VPS8: variants seen among roughly 807,000 people sequenced by gnomAD.
VPS8 encodes vacuolar protein sorting-associated protein 8 homolog.
Under a neutral mutation model 216.4 loss-of-function variants are expected in VPS8, and 129 were observed. The ratio of observed to expected loss-of-function variants is 0.60; its 90% CI spans 0.52 to 0.69. The LOEUF (loss-of-function observed/expected upper bound fraction) is 0.69, where lower values mean the gene tolerates loss of function less well. Among genes scored for constraint, VPS8 ranks in the 30% least tolerant of loss-of-function variants. The pLI, the probability that VPS8 is intolerant of heterozygous loss-of-function variation, is 0.00. For synonymous variants in VPS8, 571 were observed against 565.4 expected, an observed-to-expected ratio of 1.01 and a Z score of -0.14; for missense variants, 1,531 against 1,683.5, an observed-to-expected ratio of 0.91 and a Z score of 1.59.
chr3:185,006,826 T>G (rs1440613464), intron 45 of VPS8, among the ~76,000 whole-genome samples: 1 of 102,870 alleles, frequency 9.7e-6, no homozygotes, highest in Admixed American at 1.2e-4. Flanking sequence ...GCCTTTGTAA[T>G]GCAGTCCTTC....
chr3:184,833,679 C>T (rs2108554654), intron 4 of VPS8, among the ~76,000 whole-genome samples: 1 of 152,282 alleles, frequency 6.6e-6, no homozygotes, highest in East Asian at 1.9e-4. Context: ...TTCAGCCCTC[C>T]TAGTCTGTAC....
chr3:184,822,667 T>C (rs1214711773), intron 1 of VPS8, among the ~76,000 whole-genome samples: 3 of 152,234 alleles, frequency 2.0e-5, no homozygotes, highest in Non-Finnish European at 4.4e-5. Context: ...AGTTGTTAAA[T>C]AATTGCAACC....
intron 42 of VPS8, 59 bp from the exon 43 acceptor site, chr3:184,993,924 C>A (rs1752258069): frequency 1.2e-5 from 16 of 1,322,496 alleles, no homozygotes; most frequent in Admixed American, 2.8e-5. Flanking sequence ...AGATAACTTA[C>A]ATTTTAAAGT....
At chr3:185,044,823 A>G (rs1006425209) in intron 46 of VPS8, among the ~76,000 whole-genome samples, 28 of 152,198 alleles carry the variant, frequency 1.8e-4, no homozygotes, top group African/African-American at 6.0e-4. Context: ...GCTGGGACCT[A>G]CTGAGAGTTT....
intron 45 of VPS8, among the ~76,000 whole-genome samples, chr3:185,003,802 C>G (rs946633746): frequency 1.8e-4 from 27 of 151,116 alleles, no homozygotes; most frequent in Admixed American, 3.3e-4. Context: ...ACTTCTCAGA[C>G]GGGGCGGCTG....
intron 36 of VPS8, among the ~76,000 whole-genome samples, chr3:184,956,176 A>G (rs1462654905): frequency 6.6e-6 from 1 of 152,210 alleles, no homozygotes; most frequent in Non-Finnish European, 1.5e-5. Flanking sequence ...GCTTCTTATT[A>G]GTAAAAGTAG....
chr3:184,896,839 AAG>A (rs1733577640), intron 23 of VPS8, among the ~76,000 whole-genome samples: 1 of 152,230 alleles, frequency 6.6e-6, no homozygotes, highest in African/African-American at 2.4e-5. Context: ...AAATATAGTA[AAG>A]AGATAATGTG....
rs1335024307 is a variant in VPS8, at chr3:184,966,657, T to C, written c.3274-14T>C. 1.3e-6 allele frequency: 2 copies of C among 1,551,280 alleles called. No homozygotes were observed. The highest frequency in any genetic ancestry group is 1.8e-6 in the Non-Finnish European group (2 of 1,141,838). On this transcript the variant is annotated splice_polypyrimidine_tract_variant and intron_variant, in intron 38 of 47. Transcript: ENST00000625842. ...GTGTTCCTTTTTAACTCCTATGTTC[T>C]TTTTATCTCCTAGAGACTACAAAGC...
At chr3:184,919,630 C>CT (rs1011067606) in intron 28 of VPS8, among the ~76,000 whole-genome samples, 23 of 151,846 alleles carry the variant, frequency 1.5e-4, no homozygotes, top group African/African-American at 4.3e-4. Flanking sequence ...GAATTTTAAC[C>CT]TTTTTTTTAC....
At chr3:184,864,034 A>T (rs1330418432) in intron 16 of VPS8, among the ~76,000 whole-genome samples, 1 of 152,130 alleles carries the variant, frequency 6.6e-6, no homozygotes, top group African/African-American at 2.4e-5. Flanking sequence ...TGGTATTAAA[A>T]ATACTAGTGG....
At chr3:184,953,085 G>A (rs1035392855) in intron 36 of VPS8, among the ~76,000 whole-genome samples, 4 of 152,122 alleles carry the variant, frequency 2.6e-5, no homozygotes, top group African/African-American at 9.7e-5. Flanking sequence ...TTTTAAGATG[G>A]GGTCTGTTAC....
intron 40 of VPS8, among the ~76,000 whole-genome samples, chr3:184,976,812 G>T (rs1749341738): frequency 6.6e-6 from 1 of 152,116 alleles, no homozygotes; most frequent in Non-Finnish European, 1.5e-5. Context: ...TTTTATGGCT[G>T]CATAGTATTC....
chr3:185,046,538 G>A (rs1035233342), intron 46 of VPS8, among the ~76,000 whole-genome samples: 10 of 152,150 alleles, frequency 6.6e-5, no homozygotes. Flanking sequence ...GACCTCCTCA[G>A]GTTATACAGG....
chr3:184,926,274 G>A (rs1201096151), intron 30 of VPS8, among the ~76,000 whole-genome samples: 1 of 151,832 alleles, frequency 6.6e-6, no homozygotes, highest in Admixed American at 6.6e-5. Context: ...CTACTCGGGA[G>A]GCTGAGGCAG....
At chr3:185,026,283 T>A (rs989094780) in intron 46 of VPS8, among the ~76,000 whole-genome samples, 2 of 152,140 alleles carry the variant, frequency 1.3e-5, no homozygotes, top group Non-Finnish European at 2.9e-5. Flanking sequence ...TTAAAATACA[T>A]GGGAGGATGT....
intron 42 of VPS8, among the ~76,000 whole-genome samples, chr3:184,983,995 T>C (rs1471699115): frequency 6.6e-6 from 1 of 150,494 alleles, no homozygotes; most frequent in Non-Finnish European, 1.5e-5. Context: ...CCATCCTGGA[T>C]AACACGGTGA....
At chr3:184,909,473 C>G (rs1736094850) in intron 25 of VPS8, among the ~76,000 whole-genome samples, 1 of 152,084 alleles carries the variant, frequency 6.6e-6, no homozygotes. Flanking sequence ...TGTTTTTCAC[C>G]TTGGATGATT....
chr3:185,015,928 A>G (rs1052974617), intron 45 of VPS8, among the ~76,000 whole-genome samples: 13 of 152,356 alleles, frequency 8.5e-5, no homozygotes, highest in African/African-American at 2.9e-4. Flanking sequence ...CAATAACACC[A>G]GTGGGTGAAT....
At chr3:184,832,133 C>G (rs1421144226) in intron 3 of VPS8, among the ~76,000 whole-genome samples, 1 of 152,092 alleles carries the variant, frequency 6.6e-6, no homozygotes, top group East Asian at 1.9e-4. Flanking sequence ...GCTTATCTTT[C>G]TAGGGTCATC....
Sources: allele counts gnomAD v4.1 joint callset (sites outside exome capture counted in the v4.1 genomes callset), GRCh38; gene constraint gnomAD v4.1.1; transcripts MANE v1.5; gene names NCBI Gene and HGNC (gene_info 2026-07-23, HGNC 2026-07-21).